HCN1: variants seen among roughly 807,000 people sequenced by gnomAD.
HCN1 encodes the protein hyperpolarization activated cyclic nucleotide gated potassium channel 1, also known as potassium/sodium hyperpolarization-activated cyclic nucleotide-gated channel 1.
Under a neutral mutation model 78.9 loss-of-function variants are expected in HCN1, and 13 were observed. The observed-to-expected ratio is 0.16, with a 90% CI of 0.11 to 0.26. The LOEUF (loss-of-function observed/expected upper bound fraction) is 0.26. HCN1 is among the 10% of genes least tolerant of loss of function. The probability of loss-of-function intolerance (pLI) is 1.00; values close to 1 mark genes in which losing one functional copy is unlikely to be tolerated. For synonymous variants in HCN1, 552 were observed against 455.5 expected, an observed-to-expected ratio of 1.21 and a Z score of -2.70; for missense variants, 810 against 1,154.3, an observed-to-expected ratio of 0.70 and a Z score of 4.32.
chr5:45,410,016 C>T (rs1036344042), intron 3 of HCN1, among the ~76,000 whole-genome samples: 1 of 151,774 alleles, frequency 6.6e-6, no homozygotes, highest in Non-Finnish European at 1.5e-5. Flanking sequence ...AAAATACAAA[C>T]TCATGTCTGA....
intron 3 of HCN1, among the ~76,000 whole-genome samples, chr5:45,412,393 A>G (rs1740040697): frequency 6.6e-6 from 1 of 152,086 alleles, no homozygotes; most frequent in African/African-American, 2.4e-5. Flanking sequence ...CAAACGTGGT[A>G]GCACTGTACC....
intron 1 of HCN1, among the ~76,000 whole-genome samples, chr5:45,676,506 G>T (rs1746269305): frequency 6.6e-6 from 1 of 151,660 alleles, no homozygotes; most frequent in Non-Finnish European, 1.5e-5. Context: ...GATATGTTTG[G>T]AGCATGTCTT....
chr5:45,557,459 G>A (rs1743494001), intron 2 of HCN1, among the ~76,000 whole-genome samples: 1 of 152,060 alleles, frequency 6.6e-6, no homozygotes, highest in Non-Finnish European at 1.5e-5. Flanking sequence ...CAAATTGCTT[G>A]AAATGCTTTA....
At chr5:45,511,369 G>T (rs1029138421) in intron 2 of HCN1, among the ~76,000 whole-genome samples, 1 of 152,046 alleles carries the variant, frequency 6.6e-6, no homozygotes. Flanking sequence ...AGTGTACGCT[G>T]CATGTAGTGA....
chr5:45,352,100 C>A (rs369329382), intron 5 of HCN1, among the ~76,000 whole-genome samples: 2 of 151,978 alleles, frequency 1.3e-5, no homozygotes, highest in Non-Finnish European at 2.9e-5. Context: ...GGCACTATTC[C>A]CAATAGCAAA....
chr5:45,356,757 T>C (rs1480374307), intron 4 of HCN1, among the ~76,000 whole-genome samples: 1 of 152,078 alleles, frequency 6.6e-6, no homozygotes, highest in Non-Finnish European at 1.5e-5. Context: ...AAAAACTCCC[T>C]CGTTCACTTT....
intron 5 of HCN1, among the ~76,000 whole-genome samples, chr5:45,306,906 A>G (rs1473386059): frequency 6.6e-6 from 1 of 152,108 alleles, no homozygotes; most frequent in African/African-American, 2.4e-5. Context: ...AAGTTGCTCC[A>G]GATTATTAAG....
At chr5:45,644,293 C>G (rs143982034) in intron 2 of HCN1, 3 of 152,042 alleles carry the variant, frequency 2.0e-5, no homozygotes, top group Non-Finnish European at 4.4e-5. Context: ...TGGACTCTTA[C>G]GCTTATGCAG....
intron 2 of HCN1, among the ~76,000 whole-genome samples, chr5:45,630,961 A>G (rs1290037189): frequency 2.0e-5 from 3 of 152,214 alleles, no homozygotes; most frequent in African/African-American, 2.4e-5. Flanking sequence ...TAATCAATTA[A>G]TGGGTCATAC....
At chr5:45,640,297 C>A (rs1272732301) in intron 2 of HCN1, among the ~76,000 whole-genome samples, 1 of 152,072 alleles carries the variant, frequency 6.6e-6, no homozygotes, top group Non-Finnish European at 1.5e-5. Flanking sequence ...TGGGAGATTG[C>A]CAGTATTTAG....
At chr5:45,542,258 A>G (rs897916991) in intron 2 of HCN1, among the ~76,000 whole-genome samples, 2 of 152,174 alleles carry the variant, frequency 1.3e-5, no homozygotes, top group Non-Finnish European at 2.9e-5. Flanking sequence ...TTACTGTGCA[A>G]TAAAATATAG....
chr5:45,483,052 T>C (rs1418932299), intron 2 of HCN1, among the ~76,000 whole-genome samples: 1 of 152,210 alleles, frequency 6.6e-6, no homozygotes. Context: ...CTATTGTAAA[T>C]AGCACAGCAA....
intron 2 of HCN1, among the ~76,000 whole-genome samples, chr5:45,606,509 T>C (rs1744729643): frequency 6.6e-6 from 1 of 151,390 alleles, no homozygotes; most frequent in Non-Finnish European, 1.5e-5. Flanking sequence ...AAAGCTGGAG[T>C]TGGGGGAAGC....
At chr5:45,589,216 G>A (rs1206181380) in intron 2 of HCN1, among the ~76,000 whole-genome samples, 3 of 152,166 alleles carry the variant, frequency 2.0e-5, no homozygotes, top group Admixed American at 1.3e-4. Flanking sequence ...GTGTGAGTAG[G>A]TGTGATTGAA....
intron 2 of HCN1, among the ~76,000 whole-genome samples, chr5:45,604,334 A>C (rs529962216): frequency 6.6e-6 from 1 of 151,946 alleles, no homozygotes; most frequent in Non-Finnish European, 1.5e-5. Flanking sequence ...ATTACAGCAA[A>C]AGCAGTCTGC....
chr5:45,555,931 A>C (rs1346094574), intron 2 of HCN1, among the ~76,000 whole-genome samples: 1 of 152,010 alleles, frequency 6.6e-6, no homozygotes, highest in African/African-American at 2.4e-5. Context: ...CATTTTCAAC[A>C]AAAGTGCCAA....
chr5:45,434,166 A>G (rs964838871), intron 3 of HCN1, among the ~76,000 whole-genome samples: 1 of 152,204 alleles, frequency 6.6e-6, no homozygotes, highest in African/African-American at 2.4e-5. Flanking sequence ...TTGCTTCTGA[A>G]GAATTTATAG....
intron 5 of HCN1, among the ~76,000 whole-genome samples, chr5:45,332,847 T>C (rs150712876): frequency 6.6e-6 from 1 of 151,686 alleles, no homozygotes; most frequent in Non-Finnish European, 1.5e-5. Context: ...TGAAAAGTAA[T>C]TCATTTTGTA....
intron 2 of HCN1, among the ~76,000 whole-genome samples, chr5:45,600,241 G>T (rs1481336042): frequency 6.6e-6 from 1 of 151,734 alleles, no homozygotes; most frequent in South Asian, 2.1e-4. Flanking sequence ...CATCAAAACA[G>T]CAACAAGGCA....
Sources: gnomAD v4.1 joint callset for allele counts (sites outside exome capture counted in the v4.1 genomes callset) on GRCh38, gnomAD v4.1.1 for gene constraint, MANE v1.5 for transcripts, NCBI Gene and HGNC (gene_info 2026-07-23, HGNC 2026-07-21) for gene names.